CNGA3: variants seen among roughly 807,000 people sequenced by gnomAD.
CNGA3 encodes the protein cyclic nucleotide gated channel subunit alpha 3.
Under a neutral mutation model 46.6 loss-of-function variants are expected in CNGA3, and 42 were observed. The observed-to-expected ratio is 0.90, with a 90% CI of 0.70 to 1.17. The LOEUF is 1.17. CNGA3 is among the 50% of genes most tolerant of loss of function. The probability of loss-of-function intolerance (pLI) is 0.00; values close to 1 mark genes in which losing one functional copy is unlikely to be tolerated. For missense variants in CNGA3, 893 were observed against 890.7 expected, an observed-to-expected ratio of 1.00 and a Z score of -0.03; for synonymous variants, 394 against 369.4, an observed-to-expected ratio of 1.07 and a Z score of -0.76.
At chr2:98,367,271 C>T (rs111335695) in intron 1 of CNGA3, among the ~76,000 whole-genome samples, 3 of 150,820 alleles carry the variant, frequency 2.0e-5, no homozygotes, top group African/African-American at 4.9e-5. Context: ...CTCGGCTCAC[C>T]GCAAGCTCCG....
chr2:98,377,832 C>G lies in CNGA3; in HGVS notation c.215+32C>G, dbSNP rs767385148. ...GACCAGCCTCAGTCCCTACCTTGGCCTGGGGGACACTGTTGCAGAAAGAAG... is the reference window on the plus strand; with the variant it reads ...GACCAGCCTCAGTCCCTACCTTGGCGTGGGGGACACTGTTGCAGAAAGAAG... On this transcript the variant is annotated intron_variant, in intron 3 of 7. Transcript: ENST00000272602. 3 of 1,570,178 alleles carry G rather than the reference C, an allele frequency of 1.9e-6. 1 individual carries two copies. The highest frequency in any genetic ancestry group is 4.4e-4 in the Middle Eastern group (2 of 4,582).
rs114951127 is a variant in CNGA3 at position 98,383,384 on chromosome 2, G to A, written c.396-4G>A. The A allele has an allele frequency of 1.2e-3, 1,883 of 1,613,968 alleles. 3 individuals carry two copies. Among genetic ancestry groups the A allele is most frequent in the African/African-American group, 9.1e-3 (682 of 74,992 alleles). The stretch of plus-strand genomic sequence containing the variant: ...CCCTTGATGTTCTCTCTACCTTCCC[G>A]CAGCGCCTGGCCCCTGGCCAAATGC... On this transcript the variant is annotated splice_polypyrimidine_tract_variant and splice_region_variant and intron_variant, in intron 4 of 7. Coordinates refer to ENST00000272602, the MANE Select transcript of CNGA3 (RefSeq NM_001298.3).
At chr2:98,372,514 T>C (rs1278957363) in intron 2 of CNGA3, among the ~76,000 whole-genome samples, 1 of 152,138 alleles carries the variant, frequency 6.6e-6, no homozygotes, top group Non-Finnish European at 1.5e-5. Flanking sequence ...CCTTTGCACT[T>C]TCTGTGACCA....
At position 98,395,894 on chromosome 2, in the gene CNGA3, C is replaced by G. The variant is rs761494287; in HGVS notation, c.724C>G (p.His242Asp). 3.7e-6 allele frequency: 6 copies of G among 1,614,220 alleles called. No individual in the cohort carries two copies. The highest frequency in any genetic ancestry group is 5.1e-6 in the Non-Finnish European group (6 of 1,180,044). The change falls in exon 8 of 8, where the codon CAT becomes GAT. Residue 242 changes from histidine (H) to aspartate (D), a missense_variant. This residue lies in a region of CNGA3 where 12 missense variants were observed against 29.1 expected (regional missense o/e 0.41). Coordinates refer to ENST00000272602, the MANE Select transcript of CNGA3 (RefSeq NM_001298.3). Reference protein sequence around the residue: ...MVSDTNRLWQHYKTTTQFKLD... With the variant: ...MVSDTNRLWQDYKTTTQFKLD... Reference sequence around the variant, plus strand: ...CAGTGATACCAACAGGCTGTGGCAGCATTACAAGACGACCACGCAGTTCAA... The same window carrying G: ...CAGTGATACCAACAGGCTGTGGCAGGATTACAAGACGACCACGCAGTTCAA...
At chr2:98,376,455 G>A (rs552569821) in intron 2 of CNGA3, among the ~76,000 whole-genome samples, 15 of 152,246 alleles carry the variant, frequency 9.9e-5, no homozygotes, top group Middle Eastern at 3.4e-3. Flanking sequence ...GCAGAAAACA[G>A]CCTCAATGTG....
At chr2:98,380,557 G>T (rs139232647) in intron 4 of CNGA3, among the ~76,000 whole-genome samples, 1 of 152,264 alleles carries the variant, frequency 6.6e-6, no homozygotes, top group Non-Finnish European at 1.5e-5. Flanking sequence ...CCTTGCAGGA[G>T]GGAGAAAACC....
intron 1 of CNGA3, among the ~76,000 whole-genome samples, chr2:98,359,337 CAGA>C (rs1309447971): frequency 2.0e-5 from 3 of 152,210 alleles, no homozygotes; most frequent in Non-Finnish European, 2.9e-5. Flanking sequence ...GCCCCCAAGG[CAGA>C]AGGCCCTAGA....
chr2:98,371,663 C>A (rs1276541293), intron 2 of CNGA3, among the ~76,000 whole-genome samples: 2 of 152,158 alleles, frequency 1.3e-5, no homozygotes, highest in African/African-American at 4.8e-5. Flanking sequence ...CTAACTAGCC[C>A]TTTGTCAATG....
At chr2:98,355,291 C>T (rs998401989) in intron 1 of CNGA3, among the ~76,000 whole-genome samples, 3 of 152,180 alleles carry the variant, frequency 2.0e-5, no homozygotes, top group African/African-American at 7.2e-5. Flanking sequence ...ATTGTTTTCA[C>T]TTTTCTTATA....
chr2:98,348,251 T>C (rs922576820), intron 1 of CNGA3, among the ~76,000 whole-genome samples: 3 of 149,252 alleles, frequency 2.0e-5, no homozygotes, highest in African/African-American at 7.4e-5. Context: ...CGGTGGTTCT[T>C]GGGGTGACTG....
chr2:98,370,025 AG>A lies in CNGA3; in HGVS notation c.52del (p.Val18Ter). 4 of 1,614,090 alleles carry A rather than the reference AG, an allele frequency of 2.5e-6. No homozygotes were observed. The South Asian group carries it at 4.4e-5, about 18-fold the overall frequency. On this transcript the variant is annotated frameshift_variant, in exon 2 of 8. Coordinates refer to ENST00000272602, the MANE Select transcript of CNGA3 (RefSeq NM_001298.3). LOFTEE classifies it high-confidence loss of function. ...QYSHPSRTHL[K>X]VKTSDRDLNR... is the part of the protein sequence containing the mutation. ...TCCCACCCCTCCAGGACCCACCTCAAGGTAAAGACCTCAGACCGAGATCTCA... is the reference window on the plus strand; with the variant it reads ...TCCCACCCCTCCAGGACCCACCTCAAGTAAAGACCTCAGACCGAGATCTCA...
chr2:98,356,131 C>G (rs1293292026), intron 1 of CNGA3: 1 of 152,132 alleles, frequency 6.6e-6, no homozygotes, highest in Non-Finnish European at 1.5e-5. Flanking sequence ...AAGGGAAAGG[C>G]AATTGGAAGA....
intron 1 of CNGA3, among the ~76,000 whole-genome samples, chr2:98,358,517 G>A (rs1361943676): frequency 6.6e-6 from 1 of 152,120 alleles, no homozygotes; most frequent in East Asian, 1.9e-4. Context: ...AAGCTTCTGG[G>A]TACAGCTACC....
At chr2:98,361,959 G>A (rs961744165) in intron 1 of CNGA3, among the ~76,000 whole-genome samples, 7 of 151,880 alleles carry the variant, frequency 4.6e-5, no homozygotes, top group South Asian at 4.2e-4. Context: ...CACCTGCCTC[G>A]GCCTCCCAAA....
rs537518014 is a variant in CNGA3 at position 98,388,587 on chromosome 2, G to T, written c.450-1071G>T. Among the ~76,000 whole-genome samples the T allele has an allele frequency of 2.6e-5, 4 of 152,348 alleles. No individual in the cohort carries two copies. The South Asian group carries it at 8.3e-4, about 32-fold the overall frequency. On this transcript the variant is annotated intron_variant, in intron 5 of 7. Coordinates refer to ENST00000272602, the MANE Select transcript of CNGA3 (RefSeq NM_001298.3). ...TCCAAGCTCCGGGAACTCAAGGGGG[G>T]CTTATAAGTAAAGAGAGTTGCTTGT...
At chr2:98,373,668 T>C (rs1398699660) in intron 2 of CNGA3, among the ~76,000 whole-genome samples, 1 of 152,236 alleles carries the variant, frequency 6.6e-6, no homozygotes, top group Non-Finnish European at 1.5e-5. Flanking sequence ...TGAGTTTTCA[T>C]TTCTACTTAG....
chr2:98,358,608 T>A (rs1344431681), intron 1 of CNGA3, among the ~76,000 whole-genome samples: 1 of 152,220 alleles, frequency 6.6e-6, no homozygotes, highest in Non-Finnish European at 1.5e-5. Flanking sequence ...ATGAAATTTC[T>A]ACACAAAGAG....
intron 7 of CNGA3, among the ~76,000 whole-genome samples, chr2:98,392,574 A>G (rs555785821): frequency 1.4e-5 from 2 of 143,332 alleles, no homozygotes; most frequent in South Asian, 2.1e-4. Flanking sequence ...AAAAGAAAAA[A>G]AAAAGAAAAG....
At chr2:98,367,942 G>C (rs892598722) in intron 1 of CNGA3, among the ~76,000 whole-genome samples, 3 of 152,188 alleles carry the variant, frequency 2.0e-5, no homozygotes, top group Non-Finnish European at 4.4e-5. Context: ...TAAGGCCCAA[G>C]CTCCTGGGCA....
Sources: gnomAD v4.1 joint callset for allele counts (sites outside exome capture counted in the v4.1 genomes callset) on GRCh38, gnomAD v4.1.1 for gene constraint, gnomAD v4.1.1 regional missense constraint, MANE v1.5 for transcripts, NCBI Gene and HGNC (gene_info 2026-07-23, HGNC 2026-07-21) for gene names.